Variants in MEGF11 observed in about 807,000 individuals in gnomAD.
MEGF11 encodes the protein multiple EGF like domains 11.
Under a neutral mutation model 146.6 loss-of-function variants are expected in MEGF11, and 126 were observed. That is an observed-to-expected ratio of 0.86 (90% CI 0.74 to 1.00). The LOEUF (loss-of-function observed/expected upper bound fraction) is 1.00, where lower values mean the gene tolerates loss of function less well. Ranked by LOEUF, MEGF11 falls within the 50% of genes least tolerant of loss-of-function variation. MEGF11 has a pLI of 0.00. For synonymous variants in MEGF11, 532 were observed against 583.4 expected (o/e 0.91, Z 1.27); for missense variants, 1,509 against 1,521.2 (o/e 0.99, Z 0.13).
intron 4 of MEGF11, among the ~76,000 whole-genome samples, chr15:66,096,866 C>G (rs1017313859): frequency 2.0e-5 from 3 of 152,330 alleles, no homozygotes; most frequent in East Asian, 1.9e-4. Context: ...ACTGCACTGC[C>G]TTTTCCCTTG....
At chr15:65,945,185 C>T (rs905201384) in intron 10 of MEGF11, among the ~76,000 whole-genome samples, 9 of 152,300 alleles carry the variant, frequency 5.9e-5, no homozygotes, top group Non-Finnish European at 1.0e-4. Flanking sequence ...CGTGAGCCAC[C>T]GTGCCCAGCC....
intron 1 of MEGF11, among the ~76,000 whole-genome samples, chr15:66,142,357 A>G (rs556197036): frequency 3.9e-5 from 6 of 152,334 alleles, no homozygotes; most frequent in South Asian, 4.1e-4. Context: ...CTTTGCATCA[A>G]AAAGGACATA....
At chr15:66,064,021 C>T (rs1403081922) in intron 5 of MEGF11, among the ~76,000 whole-genome samples, 1 of 152,194 alleles carries the variant, frequency 6.6e-6, no homozygotes, top group Non-Finnish European at 1.5e-5. Flanking sequence ...AGCCCATGTT[C>T]AGAACCTATC....
chr15:65,920,627 G>A (rs763370591), intron 15 of MEGF11, among the ~76,000 whole-genome samples: 1 of 152,236 alleles, frequency 6.6e-6, no homozygotes, highest in Non-Finnish European at 1.5e-5. Flanking sequence ...CAAGAGTAAG[G>A]CAAAGAGAGG....
rs1446682319 is a variant in MEGF11, at chr15:65,982,394, G to C, written c.489C>G (p.Cys163Trp). Residue 163 changes from cysteine to tryptophan, a missense_variant, in exon 6 of 26, where the codon TGC becomes TGG. Coordinates refer to ENST00000395614, the MANE Select transcript of MEGF11 (RefSeq NM_001385028.1). This position sits in a 1 kb window ranked among gnomAD's most constrained non-coding sequence, Gnocchi z 5.6. ...LCNPITGACVCAAGFRGWRCE... is the reference protein window; with the variant it reads ...LCNPITGACVWAAGFRGWRCE... ...AGCGCCATCCACGGAAGCCGGCGGC[G>C]CACACGCAGGCGCCTGTGATGGGGT... 2.0e-6 allele frequency: 3 copies of C among 1,531,492 alleles called. No homozygotes were observed. Among genetic ancestry groups the C allele is most frequent in the Non-Finnish European group, 2.6e-6 (3 of 1,141,292 alleles). The allele number at this position is 1,531,492 out of a possible 1,614,324, so 94.9% of individuals were successfully genotyped here. A position where few individuals can be genotyped will look rare whatever the true frequency, so the allele number is the denominator to read the frequency against.
At position 66,101,535 on chromosome 15, in the gene MEGF11, G is replaced by A. The variant is rs112666264; in HGVS notation, c.302-7041C>T. Among the ~76,000 whole-genome samples, 136 of 152,234 alleles carry A rather than the reference G, an allele frequency of 8.9e-4. No individual in the cohort carries two copies. In the Middle Eastern group the frequency reaches 0.031, roughly 34 times the overall value. On this transcript the variant is annotated intron_variant, in intron 4 of 25. Coordinates refer to ENST00000395614, the MANE Select transcript of MEGF11 (RefSeq NM_001385028.1). Reference sequence around the variant, plus strand: ...CCCACAGTATCTGGTTTGCCCCATAGGCCACAGCACTGACTTCTCTCTACT... The same window carrying A: ...CCCACAGTATCTGGTTTGCCCCATAAGCCACAGCACTGACTTCTCTCTACT...
intron 24 of MEGF11, among the ~76,000 whole-genome samples, chr15:65,903,841 C>T (rs545010613): frequency 6.6e-6 from 1 of 152,338 alleles, no homozygotes; most frequent in Non-Finnish European, 1.5e-5. Flanking sequence ...ACTGTGACAT[C>T]ATATTTTCCT....
At chr15:66,008,827 G>GAAAA (rs35381735) in intron 5 of MEGF11, among the ~76,000 whole-genome samples, 2 of 143,996 alleles carry the variant, frequency 1.4e-5, no homozygotes, top group African/African-American at 5.1e-5. Flanking sequence ...CTGTCTCTTA[G>GAAAA]AAAAAAAAAA....
intron 1 of MEGF11, among the ~76,000 whole-genome samples, chr15:66,186,027 A>G (rs2090688858): frequency 6.6e-6 from 1 of 151,924 alleles, no homozygotes; most frequent in Non-Finnish European, 1.5e-5. Flanking sequence ...TACTGGGGAG[A>G]GGTGGGGGCA....
At chr15:66,178,301 G>A (rs2090446621) in intron 1 of MEGF11, among the ~76,000 whole-genome samples, 1 of 152,116 alleles carries the variant, frequency 6.6e-6, no homozygotes, top group African/African-American at 2.4e-5. Flanking sequence ...CTACCCTTTT[G>A]AGGGCTTTTC....
At chr15:65,967,733 C>T (rs983016728) in intron 8 of MEGF11, among the ~76,000 whole-genome samples, 9 of 152,214 alleles carry the variant, frequency 5.9e-5, no homozygotes, top group Non-Finnish European at 1.2e-4. Context: ...GAGAAGAGGA[C>T]GGTGACTGGG....
intron 10 of MEGF11, among the ~76,000 whole-genome samples, chr15:65,951,583 A>T (rs1329666951): frequency 6.6e-6 from 1 of 152,200 alleles, no homozygotes; most frequent in Non-Finnish European, 1.5e-5. Context: ...GCTACTCAGG[A>T]GGCTGAGGCA....
chr15:66,133,330 C>T (rs879651949), intron 1 of MEGF11, among the ~76,000 whole-genome samples: 7 of 152,192 alleles, frequency 4.6e-5, no homozygotes, highest in Non-Finnish European at 1.0e-4. Flanking sequence ...GTGTTCCAGA[C>T]GCCTCATGAA....
At chr15:66,144,244 T>G (rs1365615913) in intron 1 of MEGF11, among the ~76,000 whole-genome samples, 4 of 152,096 alleles carry the variant, frequency 2.6e-5, no homozygotes, top group Admixed American at 6.5e-5. Flanking sequence ...TGGGTGGAGC[T>G]GGGCATCGGT....
intron 5 of MEGF11, among the ~76,000 whole-genome samples, chr15:66,003,343 C>T (rs2082421813): frequency 6.6e-6 from 1 of 152,196 alleles, no homozygotes. Flanking sequence ...TCCTAGACAT[C>T]CCCATGTGCT....
At chr15:65,921,131 C>G (rs750396885) in intron 15 of MEGF11, among the ~76,000 whole-genome samples, 35 of 152,150 alleles carry the variant, frequency 2.3e-4, no homozygotes, top group Non-Finnish European at 4.3e-4. Flanking sequence ...CACACACTTG[C>G]AAAAATAGCC....
At chr15:66,215,102 G>A (rs1433557975) in intron 1 of MEGF11, among the ~76,000 whole-genome samples, 2 of 152,098 alleles carry the variant, frequency 1.3e-5, no homozygotes, top group Admixed American at 6.5e-5. Flanking sequence ...ACTCATACGC[G>A]CTCTCTGCAG....
chr15:66,202,096 T>C (rs1411544630), intron 1 of MEGF11, among the ~76,000 whole-genome samples: 2 of 151,950 alleles, frequency 1.3e-5, no homozygotes, highest in African/African-American at 4.8e-5. Flanking sequence ...TGGTAAGTGC[T>C]GAGACCCCCA....
At chr15:66,160,022 T>TC (rs2089894319) in intron 1 of MEGF11, among the ~76,000 whole-genome samples, 1 of 152,108 alleles carries the variant, frequency 6.6e-6, no homozygotes, top group South Asian at 2.1e-4. Flanking sequence ...TCCCCATTTT[T>TC]CTTTGCTAAT....
Sources: gnomAD v4.1 joint callset for allele counts (sites outside exome capture counted in the v4.1 genomes callset) on GRCh38, gnomAD v4.1.1 for gene constraint, Gnocchi (gnomAD v3.1) non-coding constraint, MANE v1.5 for transcripts, NCBI Gene and HGNC (gene_info 2026-07-23, HGNC 2026-07-21) for gene names.